Variants in FRMD3 observed in about 807,000 individuals in gnomAD.
The protein encoded by FRMD3 is FERM domain containing 3.
In FRMD3, 33 loss-of-function variants were observed where a neutral mutation model predicts 70.2. The ratio of observed to expected loss-of-function variants is 0.47; its 90% CI spans 0.36 to 0.63. The LOEUF is 0.63. Ranked by LOEUF, FRMD3 falls within the 20% of genes least tolerant of loss-of-function variation. The pLI, the probability that FRMD3 is intolerant of heterozygous loss-of-function variation, is 0.00. For synonymous variants in FRMD3, 279 were observed against 255.9 expected (o/e 1.09, Z -0.86); for missense variants, 632 against 711.4 (o/e 0.89, Z 1.27).
At chr9:83,320,038 T>G (rs2889231) in intron 6 of FRMD3, among the ~76,000 whole-genome samples, 1 of 152,078 alleles carries the variant, frequency 6.6e-6, no homozygotes, top group Admixed American at 6.6e-5. Context: ...ATTCATTTAT[T>G]AAATCTAAGA....
intron 1 of FRMD3, among the ~76,000 whole-genome samples, chr9:83,419,093 C>T (rs1317146673): frequency 3.3e-5 from 5 of 151,874 alleles, no homozygotes; most frequent in Middle Eastern, 3.2e-3. Context: ...TATGAGTACA[C>T]AAAGGCACAC....
intron 1 of FRMD3, among the ~76,000 whole-genome samples, chr9:83,478,965 G>T (rs1212948055): frequency 6.6e-6 from 1 of 151,966 alleles, no homozygotes. Flanking sequence ...TGCACTACGG[G>T]TCCCTAGAAC....
At chr9:83,481,997 G>A (rs935135673) in intron 1 of FRMD3, among the ~76,000 whole-genome samples, 1 of 149,272 alleles carries the variant, frequency 6.7e-6, no homozygotes, top group African/African-American at 2.5e-5. Context: ...AACAAAGTAA[G>A]TTTACAAGAC....
chr9:83,261,343 A>G (rs1052227479), intron 13 of FRMD3, among the ~76,000 whole-genome samples: 1 of 152,126 alleles, frequency 6.6e-6, no homozygotes, highest in African/African-American at 2.4e-5. Context: ...CCTCTTGGTT[A>G]TGCCTCTACT....
At chr9:83,583,825 T>C in the FRMD3 span, among the ~76,000 whole-genome samples, 1 of 152,110 alleles carries the variant, frequency 6.6e-6, no homozygotes, top group Non-Finnish European at 1.5e-5. Context: ...CCCAGGCTGC[T>C]CTCAAACTCC....
At chr9:83,317,493 C>G (rs556915145) in intron 6 of FRMD3, among the ~76,000 whole-genome samples, 60 of 152,166 alleles carry the variant, frequency 3.9e-4, no homozygotes, top group Non-Finnish European at 6.6e-4. Context: ...CTCCTCTGAT[C>G]TACAGAGCTA....
At chr9:83,473,615 T>C (rs796771313) in intron 1 of FRMD3, among the ~76,000 whole-genome samples, 7 of 152,280 alleles carry the variant, frequency 4.6e-5, no homozygotes, top group African/African-American at 1.7e-4. Context: ...TTTTCTATCT[T>C]AGAAACAGAA....
intron 4 of FRMD3, among the ~76,000 whole-genome samples, chr9:83,344,429 C>T (rs1039889564): frequency 3.3e-5 from 5 of 152,162 alleles, no homozygotes; most frequent in Non-Finnish European, 2.9e-5. Context: ...TTTTTCTGGA[C>T]GAGGGTGATT....
intron 1 of FRMD3, among the ~76,000 whole-genome samples, chr9:83,416,322 C>T (rs1193988805): frequency 1.3e-5 from 2 of 152,228 alleles, no homozygotes; most frequent in Non-Finnish European, 2.9e-5. Flanking sequence ...AAGCCTCCAT[C>T]TACAAGGTGA....
intron 1 of FRMD3, among the ~76,000 whole-genome samples, chr9:83,427,294 C>T (rs1169479809): frequency 1.3e-5 from 2 of 152,170 alleles, no homozygotes; most frequent in East Asian, 1.9e-4. Flanking sequence ...TGTAGGTGGT[C>T]AGCAAGTCAT....
chr9:83,292,518 A>G (rs1291668710), intron 12 of FRMD3, among the ~76,000 whole-genome samples: 3 of 152,130 alleles, frequency 2.0e-5, no homozygotes, highest in African/African-American at 7.2e-5. Flanking sequence ...AAGAAGCACA[A>G]CTGAAATTAA....
intron 1 of FRMD3, among the ~76,000 whole-genome samples, chr9:83,525,244 C>A (rs531455668): frequency 6.6e-6 from 1 of 152,140 alleles, no homozygotes; most frequent in African/African-American, 2.4e-5. Flanking sequence ...TCTGTTAACA[C>A]GTTAATTGCT....
At chr9:83,452,370 C>T (rs879739829) in intron 1 of FRMD3, among the ~76,000 whole-genome samples, 2 of 152,002 alleles carry the variant, frequency 1.3e-5, no homozygotes, top group Non-Finnish European at 2.9e-5. Flanking sequence ...ACAGCATCAC[C>T]TGACGTAAAA....
At chr9:83,438,319 G>A (rs958498684) in intron 1 of FRMD3, among the ~76,000 whole-genome samples, 14 of 152,248 alleles carry the variant, frequency 9.2e-5, no homozygotes, top group African/African-American at 2.2e-4. Flanking sequence ...TGTGACTTAC[G>A]GATGATGTCC....
intron 13 of FRMD3, among the ~76,000 whole-genome samples, chr9:83,283,910 C>T (rs1200073629): frequency 2.0e-5 from 3 of 152,182 alleles, no homozygotes; most frequent in Non-Finnish European, 4.4e-5. Flanking sequence ...GATGTGTTTT[C>T]ATGCACCAGT....
chr9:83,422,557 T>C (rs1245625278), intron 1 of FRMD3, among the ~76,000 whole-genome samples: 2 of 152,254 alleles, frequency 1.3e-5, no homozygotes, highest in Admixed American at 6.5e-5. Flanking sequence ...AAACGTTCTT[T>C]CCTCTCATAG....
the FRMD3 span, among the ~76,000 whole-genome samples, chr9:83,583,858 C>T: frequency 6.6e-6 from 1 of 152,270 alleles, no homozygotes; most frequent in East Asian, 1.9e-4. Context: ...ATCTTCCTGC[C>T]TCTGAAGTGC....
chr9:83,576,814 CT>C, the FRMD3 span, among the ~76,000 whole-genome samples: 2 of 151,944 alleles, frequency 1.3e-5, no homozygotes, highest in South Asian at 4.2e-4. Flanking sequence ...ATAAAACTAC[CT>C]CTATTTTGAC....
At chr9:83,580,267 A>G in the FRMD3 span, among the ~76,000 whole-genome samples, 21 of 152,058 alleles carry the variant, frequency 1.4e-4, no homozygotes, top group Non-Finnish European at 8.8e-5. Flanking sequence ...ACAATCCGGT[A>G]CTCTCATTTC....
Sources: allele counts gnomAD v4.1 joint callset (sites outside exome capture counted in the v4.1 genomes callset), GRCh38; gene constraint gnomAD v4.1.1; transcripts MANE v1.5; gene names NCBI Gene and HGNC (gene_info 2026-07-23, HGNC 2026-07-21).